Variants in ZUP1 observed in about 807,000 individuals in gnomAD.
The protein encoded by ZUP1 is zinc finger containing ubiquitin peptidase 1.
ZUP1 carries 55 observed loss-of-function variants against 68.1 expected under a neutral mutation model. The ratio of observed to expected loss-of-function variants is 0.81; its 90% confidence interval spans 0.65 to 1.01. ZUP1 has a LOEUF of 1.01. ZUP1 is among the 50% of genes least tolerant of loss of function. The pLI, the probability that ZUP1 is intolerant of heterozygous loss-of-function variation, is 0.00. For missense variants in ZUP1, 684 were observed against 674.9 expected, an observed-to-expected ratio of 1.01 and a Z score of -0.15; for synonymous variants, 223 against 221.5, an observed-to-expected ratio of 1.01 and a Z score of -0.06.
rs56191786 is a variant in ZUP1 at position 116,660,383 on chromosome 6, T to C, written c.670+353A>G. 5.9e-3 allele frequency: 956 copies of C among 161,620 alleles called. 11 individuals are homozygous for C. The highest frequency in any genetic ancestry group is 0.022 in the African/African-American group (930 of 41,854). The allele number at this position is 161,620 out of a possible 1,614,324, so 10.0% of individuals were successfully genotyped here. ...TAAACAATGCCACTATTAAAAAACA[T>C]AGGGGAGAAAGGAAAACTTTTATAG... is the stretch of plus-strand genomic sequence containing the variant. On this transcript the variant is annotated intron_variant, in intron 3 of 9. Coordinates refer to ENST00000368576, the MANE Select transcript of ZUP1 (RefSeq NM_145062.3).
intron 9 of ZUP1, among the ~76,000 whole-genome samples, chr6:116,641,564 C>G (rs1283619259): frequency 6.6e-6 from 1 of 152,050 alleles, no homozygotes; most frequent in Non-Finnish European, 1.5e-5. Flanking sequence ...TACATGGAAA[C>G]TGAACAACCT....
chr6:116,654,312 T>A (rs1776600258), intron 5 of ZUP1, among the ~76,000 whole-genome samples: 1 of 151,946 alleles, frequency 6.6e-6, no homozygotes, highest in Non-Finnish European at 1.5e-5. Context: ...AAATGCAGAT[T>A]CAATAAATGG....
chr6:116,642,205 AC>A (rs1405835287), intron 9 of ZUP1, among the ~76,000 whole-genome samples: 11 of 152,112 alleles, frequency 7.2e-5, no homozygotes, highest in African/African-American at 1.7e-4. Context: ...TAGCTTACCA[AC>A]CAAAAAGAGT....
intron 3 of ZUP1, among the ~76,000 whole-genome samples, chr6:116,659,465 A>G (rs1470693969): frequency 1.3e-5 from 2 of 152,178 alleles, no homozygotes; most frequent in Non-Finnish European, 2.9e-5. Context: ...AGCACTTTTC[A>G]TTAATTATAT....
In ZUP1 at chr6:116,639,001, G is replaced by A. The variant is rs535648670; in HGVS notation, c.1690-3122C>T. On this transcript the variant is annotated intron_variant, in intron 9 of 9. Coordinates refer to ENST00000368576, the MANE Select transcript of ZUP1 (RefSeq NM_145062.3). ...TCCCACCCGAATACTGCGCTTTTCC[G>A]ACAGGCTTAGGAAACGGCGCACCAG... is the stretch of plus-strand genomic sequence containing the variant. Among the ~76,000 whole-genome samples, 97 of 152,342 alleles carry A rather than the reference G, an allele frequency of 6.4e-4. 2 individuals carry two copies. The East Asian group carries it at 0.011, about 17-fold the overall frequency.
chr6:116,652,715 T>G (rs938260052), intron 5 of ZUP1, among the ~76,000 whole-genome samples: 5 of 152,182 alleles, frequency 3.3e-5, no homozygotes, highest in Non-Finnish European at 7.4e-5. Context: ...AACCCTTTAG[T>G]AACATATTCC....
chr6:116,666,599 T>G, intron 2 of ZUP1, 35 bp downstream of exon 2: 1 of 1,497,554 alleles, frequency 6.7e-7, no homozygotes, highest in Non-Finnish European at 8.9e-7. Flanking sequence ...ATTGAGGCTG[T>G]AAACTTATAA....
chr6:116,666,921 A>C lies in ZUP1; in HGVS notation c.272T>G (p.Ile91Ser), dbSNP rs747867411. The C allele has an allele frequency of 6.2e-7, 1 of 1,613,186 alleles. No individual in the cohort carries two copies. Among genetic ancestry groups the C allele is most frequent in the South Asian group, 1.1e-5 (1 of 90,762 alleles). ...LQCGMEVNSS[I>S]LSGCASNHPK... is the part of the protein sequence containing the mutation. ...ATGATTAGATGCACAACCTGAAAGA[A>C]TACTTGAATTAACTTCCATTCCACA... Residue 91 changes from isoleucine (I) to serine (S), a missense_variant, in exon 2 of 10, where the codon ATT becomes AGT. Physicochemically the swap from Ile to Ser is moderately radical, Grantham distance 142. Transcript: ENST00000368576.
chr6:116,657,775 C>T (rs1776715280), intron 4 of ZUP1, among the ~76,000 whole-genome samples: 1 of 152,064 alleles, frequency 6.6e-6, no homozygotes, highest in Non-Finnish European at 1.5e-5. Flanking sequence ...CCTATCATCA[C>T]TAAAAAAAGA....
rs1213511072 is a variant in ZUP1, at chr6:116,635,840, T to A, written c.1729A>T (p.Ile577Phe). The A allele has an allele frequency of 2.5e-6, 4 of 1,596,980 alleles. No homozygotes were observed. In the South Asian group the frequency reaches 3.5e-5, roughly 14 times the overall value. Residue 577 changes from isoleucine (I) to phenylalanine (F), a missense_variant, in exon 10 of 10, where the codon ATT becomes TTT. Ile to Phe is a conservative substitution (Grantham distance 21, BLOSUM62 0). Coordinates refer to ENST00000368576, the MANE Select transcript of ZUP1 (RefSeq NM_145062.3). ...QASQVFTAEK[I>F]P ...CTTAAATGCTTGATTCTTCAAGGAA[T>A]CTTCTCGGCTGTAAAGACTTGAGAA... is the stretch of plus-strand genomic sequence containing the variant.
At chr6:116,645,649 C>A (rs944525337) in intron 9 of ZUP1, 65 bp downstream of exon 9, 585 of 774,548 alleles carry the variant, frequency 7.6e-4, no homozygotes, top group East Asian at 1.4e-3. Context: ...TGATTTTAAA[C>A]TAAAAGTTTT....
chr6:116,661,480 A>G (rs184324177), intron 2 of ZUP1, among the ~76,000 whole-genome samples: 1 of 152,228 alleles, frequency 6.6e-6, no homozygotes, highest in Non-Finnish European at 1.5e-5. Context: ...TCAGCACCCA[A>G]CAGAGTGGTA....
chr6:116,665,853 C>T (rs1165583024), intron 2 of ZUP1, among the ~76,000 whole-genome samples: 1 of 150,090 alleles, frequency 6.7e-6, no homozygotes, highest in Non-Finnish European at 1.5e-5. Flanking sequence ...GGACTCTCAA[C>T]TTGCTGGGAT....
At position 116,638,601 on chromosome 6, in the gene ZUP1, CCTTGGAT is replaced by C. The variant is rs1341078272; in HGVS notation, c.1690-2729_1690-2723del. On this transcript the variant is annotated intron_variant, in intron 9 of 9. Coordinates refer to ENST00000368576, the MANE Select transcript of ZUP1 (RefSeq NM_145062.3). ...TATAAGGCCAATATGAGTTAGGTCT[CCTTGGAT>C]TAAGTTAGGTTTTCTTACTATATGT... Among the ~76,000 whole-genome samples the C allele has an allele frequency of 2.6e-5, 4 of 152,246 alleles. No individual in the cohort carries two copies. In the South Asian group the frequency reaches 8.3e-4, roughly 32 times the overall value.
rs116474713 is a variant in ZUP1 at position 116,665,389 on chromosome 6, C to A, written c.559+1245G>T. Among the ~76,000 whole-genome samples the A allele has an allele frequency of 4.4e-3, 670 of 152,098 alleles. 5 individuals carry two copies. The highest frequency in any genetic ancestry group is 0.015 in the African/African-American group (630 of 41,492). ...GAAGTTGGCAAAGAGTTTTTAGACA[C>A]ACCAAAAGCATGATCCATGAAAGAA... On this transcript the variant is annotated intron_variant, in intron 2 of 9. Coordinates refer to ENST00000368576, the MANE Select transcript of ZUP1 (RefSeq NM_145062.3).
At chr6:116,657,747 T>C (rs1776714462) in intron 4 of ZUP1, among the ~76,000 whole-genome samples, 1 of 152,200 alleles carries the variant, frequency 6.6e-6, no homozygotes, top group Non-Finnish European at 1.5e-5. Context: ...CTGTAAACCC[T>C]TTTTATGTAT....
chr6:116,664,233 C>T (rs1776928569), intron 2 of ZUP1, among the ~76,000 whole-genome samples: 1 of 152,086 alleles, frequency 6.6e-6, no homozygotes, highest in Admixed American at 6.5e-5. Context: ...GAGTTCCAGA[C>T]CAGCCTGGCC....
chr6:116,659,222 C>T (rs866206112), intron 3 of ZUP1, among the ~76,000 whole-genome samples: 10 of 152,120 alleles, frequency 6.6e-5, no homozygotes, highest in African/African-American at 2.4e-4. Context: ...CTCTGCCTGC[C>T]AGGTTCAAGT....
chr6:116,639,378 C>A (rs1298473194), intron 9 of ZUP1, among the ~76,000 whole-genome samples: 1 of 152,280 alleles, frequency 6.6e-6, no homozygotes, highest in Non-Finnish European at 1.5e-5. Context: ...AATGGGCAGA[C>A]TGCCTCCTCA....
Sources: allele counts gnomAD v4.1 joint callset (sites outside exome capture counted in the v4.1 genomes callset), GRCh38; gene constraint gnomAD v4.1.1; transcripts MANE v1.5; gene names NCBI Gene and HGNC (gene_info 2026-07-23, HGNC 2026-07-21).